ILRUN: variants seen among roughly 807,000 people sequenced by gnomAD.
ILRUN encodes the protein protein ILRUN.
ILRUN carries 3 observed loss-of-function variants against 33.8 expected under a neutral mutation model. The ratio of observed to expected loss-of-function variants is 0.09; its 90% CI spans 0.04 to 0.23. The LOEUF is 0.23. ILRUN is among the 10% of genes least tolerant of loss of function. The probability of loss-of-function intolerance (pLI) is 1.00; values close to 1 mark genes in which losing one functional copy is unlikely to be tolerated. For synonymous variants in ILRUN, 124 were observed against 138.9 expected (o/e 0.89, Z 0.75); for missense variants, 210 against 375.1 (o/e 0.56, Z 3.64).
At chr6:34,629,617 G>GT (rs1762204476) in intron 3 of ILRUN, among the ~76,000 whole-genome samples, 1 of 152,014 alleles carries the variant, frequency 6.6e-6, no homozygotes, top group South Asian at 2.1e-4. Context: ...ATTTTCTGCA[G>GT]TTTGAGTAGA....
Position 34,594,400 on chromosome 6 carries a change from C to T in ILRUN, c.862-3800G>A, listed in dbSNP as rs139824986. Among the ~76,000 whole-genome samples, 516 of 152,312 alleles carry T rather than the reference C, an allele frequency of 3.4e-3. 2 individuals are homozygous for T. Among genetic ancestry groups the T allele is most frequent in the Middle Eastern group, 0.017 (5 of 294 alleles). ...GGGACTAGCAGCAAGACTGATTTATCCATGCTAACGGAGGGTATAAATACT... is the reference window on the plus strand; with the variant it reads ...GGGACTAGCAGCAAGACTGATTTATTCATGCTAACGGAGGGTATAAATACT... On this transcript the variant is annotated intron_variant, in intron 4 of 4. Coordinates refer to ENST00000374023, the MANE Select transcript of ILRUN (RefSeq NM_024294.4).
At chr6:34,622,787 T>C (rs1203988892) in intron 3 of ILRUN, among the ~76,000 whole-genome samples, 4 of 152,208 alleles carry the variant, frequency 2.6e-5, no homozygotes, top group African/African-American at 7.2e-5. Context: ...CTCAAAGAGA[T>C]ATTTGTACAC....
At chr6:34,659,736 C>T (rs1420846121) in intron 1 of ILRUN, among the ~76,000 whole-genome samples, 1 of 150,866 alleles carries the variant, frequency 6.6e-6, no homozygotes, top group Non-Finnish European at 1.5e-5. Context: ...ATTCTCCTAC[C>T]TCAGCCTCCG....
At chr6:34,629,925 T>C (rs1249196274) in intron 3 of ILRUN, among the ~76,000 whole-genome samples, 1 of 152,196 alleles carries the variant, frequency 6.6e-6, no homozygotes, top group Non-Finnish European at 1.5e-5. Flanking sequence ...ATATATACTA[T>C]GTTCTTCCCT....
intron 2 of ILRUN, among the ~76,000 whole-genome samples, chr6:34,650,223 T>C (rs1762633003): frequency 2.0e-5 from 3 of 152,124 alleles, no homozygotes; most frequent in Non-Finnish European, 2.9e-5. Context: ...AGGGACAGTT[T>C]TAAATTTTCA....
chr6:34,694,239 C>A (rs1241956290), intron 1 of ILRUN, among the ~76,000 whole-genome samples: 1 of 152,056 alleles, frequency 6.6e-6, no homozygotes, highest in Admixed American at 6.6e-5. Flanking sequence ...GCTTTTGTAG[C>A]CATAATAATT....
intron 3 of ILRUN, among the ~76,000 whole-genome samples, chr6:34,608,875 T>C (rs1405611795): frequency 6.6e-6 from 1 of 152,238 alleles, no homozygotes; most frequent in African/African-American, 2.4e-5. Context: ...TCCTGAACCT[T>C]TGATGTTCAG....
chr6:34,678,566 A>G (rs1478365295), intron 1 of ILRUN, among the ~76,000 whole-genome samples: 1 of 151,928 alleles, frequency 6.6e-6, no homozygotes, highest in East Asian at 1.9e-4. Flanking sequence ...AAGAAATTTC[A>G]GCCAGGCGAG....
intron 4 of ILRUN, among the ~76,000 whole-genome samples, chr6:34,593,976 C>T (rs1761345360): frequency 6.6e-6 from 1 of 152,236 alleles, no homozygotes; most frequent in South Asian, 2.1e-4. Context: ...TACTTTCAAA[C>T]CGGGAGGCCC....
At chr6:34,611,308 G>C (rs571091215) in intron 3 of ILRUN, among the ~76,000 whole-genome samples, 1 of 152,016 alleles carries the variant, frequency 6.6e-6, no homozygotes, top group East Asian at 1.9e-4. Flanking sequence ...CCATCTCTTT[G>C]CGTTGGCTAT....
intron 1 of ILRUN, chr6:34,685,427 T>A (rs1763494899): frequency 6.6e-6 from 1 of 152,170 alleles, no homozygotes; most frequent in African/African-American, 2.4e-5. Context: ...GCACGGGACT[T>A]TTGACCTGCT....
At chr6:34,623,249 TAATC>T (rs1249016312) in intron 3 of ILRUN, among the ~76,000 whole-genome samples, 13 of 152,212 alleles carry the variant, frequency 8.5e-5, no homozygotes, top group Non-Finnish European at 4.4e-5. Context: ...TTACCACAAT[TAATC>T]AAAACAAAAA....
intron 3 of ILRUN, among the ~76,000 whole-genome samples, chr6:34,613,590 T>C (rs1193236737): frequency 2.0e-5 from 3 of 152,254 alleles, no homozygotes; most frequent in African/African-American, 7.2e-5. Context: ...ACGGATGTTA[T>C]ATAGTGGGAA....
intron 1 of ILRUN, chr6:34,686,675 A>G (rs1349522989): frequency 1.4e-5 from 3 of 210,288 alleles, no homozygotes; most frequent in Non-Finnish European, 3.0e-5. Context: ...GTGATACAGT[A>G]TAAGAAAGGC....
chr6:34,674,692 T>C (rs1763189897), intron 1 of ILRUN, among the ~76,000 whole-genome samples: 1 of 152,210 alleles, frequency 6.6e-6, no homozygotes, highest in African/African-American at 2.4e-5. Context: ...ACCATACATT[T>C]GTAATTTGGA....
At chr6:34,600,176 G>A (rs970686345) in intron 4 of ILRUN, among the ~76,000 whole-genome samples, 1 of 152,030 alleles carries the variant, frequency 6.6e-6, no homozygotes, top group Non-Finnish European at 1.5e-5. Context: ...ACCTTTTAAG[G>A]CTCCCCTTTT....
At chr6:34,678,836 CAAAAAAAAAAAAA>C (rs767799882) in intron 1 of ILRUN, among the ~76,000 whole-genome samples, 12 of 47,884 alleles carry the variant, frequency 2.5e-4, no homozygotes, top group East Asian at 6.5e-4. Context: ...GACTCCGTCT[CAAAAAAAAAAAAA>C]AAAAAAAAAA....
chr6:34,689,516 C>G (rs1763602653), intron 1 of ILRUN, among the ~76,000 whole-genome samples: 1 of 152,118 alleles, frequency 6.6e-6, no homozygotes, highest in African/African-American at 2.4e-5. Flanking sequence ...TCCTTACCCT[C>G]TTCCTAAAAC....
At chr6:34,624,891 G>C (rs1762084288) in intron 3 of ILRUN, among the ~76,000 whole-genome samples, 2 of 152,162 alleles carry the variant, frequency 1.3e-5, no homozygotes, top group South Asian at 2.1e-4. Flanking sequence ...GCTTCCGAGA[G>C]ATCTTAGATA....
Sources: allele counts gnomAD v4.1 joint callset (sites outside exome capture counted in the v4.1 genomes callset), GRCh38; gene constraint gnomAD v4.1.1; transcripts MANE v1.5; gene names NCBI Gene and HGNC (gene_info 2026-07-23, HGNC 2026-07-21).